The following BPIFA1 variants were observed in gnomAD, a reference collection of about 807,000 sequenced individuals.
BPIFA1 encodes the protein BPI fold-containing family A member 1.
A neutral mutation model predicts 25.1 loss-of-function variants in BPIFA1; 24 were observed. The ratio of observed to expected loss-of-function variants is 0.96; its 90% confidence interval spans 0.69 to 1.35. BPIFA1 has a LOEUF of 1.35. Ranked by LOEUF, BPIFA1 falls within the 40% of genes most tolerant of loss-of-function variation. BPIFA1 has a pLI of 0.00. For synonymous variants in BPIFA1, 139 were observed against 131.8 expected, an observed-to-expected ratio of 1.05 and a Z score of -0.37; for missense variants, 344 against 303.7, an observed-to-expected ratio of 1.13 and a Z score of -0.99.
Position 33,240,225 on chromosome 20 carries a change from C to G in BPIFA1, c.429-8C>G. 4 of 1,613,230 alleles carry G rather than the reference C, an allele frequency of 2.5e-6. No homozygotes were observed. Among genetic ancestry groups the G allele is most frequent in the Non-Finnish European group, 3.4e-6 (4 of 1,179,684 alleles). ...AGCTAGATACCAGTGGGGCTGTCTC[C>G]TTTGCAGGCCCCTGGTCGGTGCAAG... On this transcript the variant is annotated splice_polypyrimidine_tract_variant and splice_region_variant and intron_variant, in intron 4 of 8. Transcript: ENST00000354297.
chr20:33,237,668 C>T (rs778556002), intron 1 of BPIFA1, 29 bp from the exon 2 acceptor site: 1 of 1,392,376 alleles, frequency 7.2e-7, no homozygotes, highest in Non-Finnish European at 9.4e-7. Flanking sequence ...GATACCCATG[C>T]CATGTTGGAC....
At position 33,239,818 on chromosome 20, in the gene BPIFA1, C is replaced by A. The variant is rs758134197; in HGVS notation, c.336C>A (p.Asp112Glu). ...LNNIIDIKVT[D>E]PQLLELGLVQ... is the part of the protein sequence containing the mutation. ...CCCTGGACAGCATAAAGGTCACTGACCCCCAGCTGCTGGAACTTGGCCTTG... is the reference window on the plus strand; with the variant it reads ...CCCTGGACAGCATAAAGGTCACTGAACCCCAGCTGCTGGAACTTGGCCTTG... The change falls in exon 4 of 9, where the codon GAC becomes GAA. Residue 112 changes from aspartate to glutamate, a missense_variant. Coordinates refer to ENST00000354297, the MANE Select transcript of BPIFA1 (RefSeq NM_130852.3). 3 of 1,614,082 alleles carry A rather than the reference C, an allele frequency of 1.9e-6. No individual in the cohort carries two copies. The highest frequency in any genetic ancestry group is 2.5e-6 in the Non-Finnish European group (3 of 1,179,916).
Position 33,240,280 on chromosome 20 carries a change from T to C in BPIFA1, c.476T>C (p.Ile159Thr). 6.2e-7 allele frequency: 1 copy of C among 1,614,194 alleles called. No homozygotes were observed. Among genetic ancestry groups the C allele is most frequent in the Non-Finnish European group, 8.5e-7 (1 of 1,180,038 alleles). ...SLLRLAVKLD[I>T]TAEILAVRDK... ...TTGAGGCTGGCTGTGAAGCTGGACA[T>C]CACTGCAGAAATCTTAGCTGTGAGA... is the stretch of plus-strand genomic sequence containing the variant. Residue 159 changes from isoleucine to threonine, a missense_variant, in exon 5 of 9, where the codon ATC becomes ACC. Physicochemically the swap from Ile to Thr is moderately conservative, Grantham distance 89 (BLOSUM62 -1). Coordinates refer to ENST00000354297, the MANE Select transcript of BPIFA1 (RefSeq NM_130852.3).
In BPIFA1 at chr20:33,241,394, C is replaced by G; in HGVS notation, c.591C>G (p.Pro197=). The change falls in exon 6 of 9, where the codon CCC becomes CCG. Residue 197 remains proline (P), a synonymous_variant. Transcript: ENST00000354297. ...LQISLLDGLG[P]LPIQGLLDSL... is the part of the protein sequence containing the mutation. The stretch of plus-strand genomic sequence containing the variant: ...GACTTTTCTCTTTCAGACTTGGCCC[C>G]CTCCCCATTCAAGGTCTTCTGGACA... 6.2e-7 allele frequency: 1 copy of G among 1,613,924 alleles called. No homozygotes were observed. The highest frequency in any genetic ancestry group is 1.6e-4 in the Middle Eastern group (1 of 6,062).
chr20:33,240,233 G>T lies in BPIFA1; in HGVS notation c.429G>T (p.Thr143=). Residue 143 remains threonine (T), a splice_region_variant and synonymous_variant, in exon 5 of 9, where the codon ACG becomes ACT. Coordinates refer to ENST00000354297, the MANE Select transcript of BPIFA1 (RefSeq NM_130852.3). ...IPLGIKLQVN[T]PLVGASLLRL... ...ACCAGTGGGGCTGTCTCCTTTGCAG[G>T]CCCCTGGTCGGTGCAAGTCTGTTGA... The T allele has an allele frequency of 6.2e-7, 1 of 1,613,520 alleles. No homozygotes were observed. Among genetic ancestry groups the T allele is most frequent in the Non-Finnish European group, 8.5e-7 (1 of 1,179,830 alleles).
At chr20:33,239,607 T>C (rs993212862) in intron 3 of BPIFA1, among the ~76,000 whole-genome samples, 196 bp from the exon 4 acceptor site, 8 of 152,152 alleles carry the variant, frequency 5.3e-5, no homozygotes, top group African/African-American at 1.9e-4. Context: ...TCAGATCTGT[T>C]CCAGGGCAGA....
At chr20:33,238,939 T>C (rs913231951) in intron 3 of BPIFA1, among the ~76,000 whole-genome samples, 1 of 152,192 alleles carries the variant, frequency 6.6e-6, no homozygotes, top group African/African-American at 2.4e-5. Flanking sequence ...TTTTCAAATG[T>C]ACTTGTTGGA....
Position 33,237,854 on chromosome 20 carries a change from C to A in BPIFA1, c.143C>A (p.Ala48Glu). 2.5e-6 allele frequency: 4 copies of A among 1,580,552 alleles called. No homozygotes were observed. The highest frequency in any genetic ancestry group is 1.8e-5 in the Admixed American group (1 of 55,342). ...PALPLSPTGL[A>E]GSLTNALSNG... is the part of the protein sequence containing the mutation. ...CTGCCCTTGAGTCCCACAGGTCTTGCAGGAAGCTTGACAAATGGTGAGTTT... is the reference window on the plus strand; with the variant it reads ...CTGCCCTTGAGTCCCACAGGTCTTGAAGGAAGCTTGACAAATGGTGAGTTT... Residue 48 changes from alanine to glutamate, a missense_variant, in exon 2 of 9, where the codon GCA becomes GAA. Transcript: ENST00000354297.
intron 1 of BPIFA1, 139 bp downstream of exon 1, chr20:33,236,189 T>C (rs1468809481): frequency 4.6e-5 from 7 of 152,146 alleles, no homozygotes; most frequent in Admixed American, 4.6e-4. Flanking sequence ...ATGTCAGGGA[T>C]GTGGGGATGG....
In BPIFA1 at chr20:33,243,186, G is replaced by T. The variant is rs1239131788; in HGVS notation, c.*114G>T. On this transcript the variant is annotated 3_prime_UTR_variant, in exon 9 of 9. Coordinates refer to ENST00000354297, the MANE Select transcript of BPIFA1 (RefSeq NM_130852.3). ...GCTTCCCAGTGCTCACAGATGGCTG[G>T]CCCATGTGCTGGAAGATGACACAGT... 6.6e-6 allele frequency: 1 copy of T among 152,474 alleles called. No individual in the cohort carries two copies. Among genetic ancestry groups the T allele is most frequent in the Admixed American group, 6.5e-5 (1 of 15,282 alleles). The allele number at this position is 152,474 out of a possible 1,614,324, so 9.4% of individuals were successfully genotyped here.
At chr20:33,240,526 G>A in intron 5 of BPIFA1, 141 bp downstream of exon 5, 1 of 1,012,206 alleles carries the variant, frequency 9.9e-7, no homozygotes, top group Admixed American at 2.6e-5. Context: ...GAGGGAGCGT[G>A]GAAAGATGGA....
intron 1 of BPIFA1, 71 bp from the exon 2 acceptor site, chr20:33,237,626 T>C (rs1978739359): frequency 7.2e-6 from 9 of 1,251,458 alleles, no homozygotes; most frequent in Non-Finnish European, 9.3e-6. Flanking sequence ...ACCCCCCAGG[T>C]GTCAGGGCAG....
intron 6 of BPIFA1, 123 bp downstream of exon 6, chr20:33,241,592 T>A: frequency 1.2e-6 from 1 of 821,148 alleles, no homozygotes; most frequent in Non-Finnish European, 2.1e-6. Context: ...TTCATCAATC[T>A]ATTTGTCCAT....
At chr20:33,241,325 C>A in intron 5 of BPIFA1, 60 bp from the exon 6 acceptor site, 1 of 1,497,588 alleles carries the variant, frequency 6.7e-7, no homozygotes, top group Non-Finnish European at 9.3e-7. Flanking sequence ...GTGGCCCCCT[C>A]TGGAGACTTC....
chr20:33,242,357 C>T lies in BPIFA1; in HGVS notation c.731-130C>T, dbSNP rs1197467358. 4 of 1,215,784 alleles carry T rather than the reference C, an allele frequency of 3.3e-6. No individual in the cohort carries two copies. The African/African-American group carries it at 6.0e-5, about 18-fold the overall frequency. 75.3% of individuals were successfully genotyped at this position (1,215,784 alleles called of 1,614,324 possible). A position where few individuals can be genotyped will look rare whatever the true frequency, so the allele number is the denominator to read the frequency against. On this transcript the variant is annotated intron_variant, in intron 7 of 8. Coordinates refer to ENST00000354297, the MANE Select transcript of BPIFA1 (RefSeq NM_130852.3). The stretch of plus-strand genomic sequence containing the variant: ...TGGTAGAAGGAGGCCTGGCTTCCTC[C>T]AAGCATGCTGAACACAGTCGGATCT...
At chr20:33,238,461 AC>A (rs1430119618) in intron 3 of BPIFA1, among the ~76,000 whole-genome samples, 1 of 152,006 alleles carries the variant, frequency 6.6e-6, no homozygotes, top group Non-Finnish European at 1.5e-5. Context: ...CCTCACCACA[AC>A]CCTTTGAGGT....
At chr20:33,241,978 T>TC in intron 6 of BPIFA1, 78 bp from the exon 7 acceptor site, 11 of 1,311,550 alleles carry the variant, frequency 8.4e-6, no homozygotes, top group South Asian at 4.8e-5. Context: ...ACAGGAAATT[T>TC]CCCCAGAGAA....
intron 1 of BPIFA1, among the ~76,000 whole-genome samples, chr20:33,236,944 T>C (rs997306975): frequency 6.6e-6 from 1 of 152,096 alleles, no homozygotes; most frequent in African/African-American, 2.4e-5. Context: ...GACCCCTGTA[T>C]TGTGTGACTT....
At chr20:33,241,756 CACAG>C (rs1407739903) in intron 6 of BPIFA1, among the ~76,000 whole-genome samples, 2 of 152,182 alleles carry the variant, frequency 1.3e-5, no homozygotes, top group African/African-American at 2.4e-5. Flanking sequence ...CTTCTATGGC[CACAG>C]ACAGTCTTTC....
Sources: allele counts gnomAD v4.1 joint callset (sites outside exome capture counted in the v4.1 genomes callset), GRCh38; gene constraint gnomAD v4.1.1; transcripts MANE v1.5; gene names NCBI Gene and HGNC (gene_info 2026-07-23, HGNC 2026-07-21).